MGAT4C: variants seen among roughly 807,000 people sequenced by gnomAD.
MGAT4C encodes the protein alpha-1,3-mannosyl-glycoprotein 4-beta-N-acetylglucosaminyltransferase C.
MGAT4C carries 19 observed loss-of-function variants against 40.1 expected under a neutral mutation model. The observed-to-expected ratio is 0.47, with a 90% CI of 0.33 to 0.70. The LOEUF is 0.70. MGAT4C is among the 30% of genes least tolerant of loss of function. The probability of loss-of-function intolerance (pLI) is 0.02; values close to 1 mark genes in which losing one functional copy is unlikely to be tolerated. For synonymous variants in MGAT4C, 181 were observed against 187.1 expected (o/e 0.97, Z 0.27); for missense variants, 491 against 563.2 (o/e 0.87, Z 1.30).
intron 1 of MGAT4C, among the ~76,000 whole-genome samples, chr12:86,078,988 T>C (rs1336430567): frequency 6.6e-6 from 1 of 152,216 alleles, no homozygotes; most frequent in Non-Finnish European, 1.5e-5. Flanking sequence ...ATTCATATCT[T>C]AGTTGAATTT....
intron 2 of MGAT4C, among the ~76,000 whole-genome samples, chr12:86,700,035 A>G (rs201288130): frequency 1.4e-4 from 21 of 147,624 alleles, no homozygotes; most frequent in African/African-American, 5.3e-4. Flanking sequence ...AATTTAGATA[A>G]ATAGATAGAT....
At chr12:86,283,440 C>T (rs1953270003) in intron 4 of MGAT4C, among the ~76,000 whole-genome samples, 1 of 151,880 alleles carries the variant, frequency 6.6e-6, no homozygotes, top group African/African-American at 2.4e-5. Flanking sequence ...AATTCTTCTT[C>T]TCTCTCTTAA....
rs188400297 is a variant in MGAT4C, at chr12:86,682,584, G to T, written c.-229+44625C>A. Among the ~76,000 whole-genome samples the T allele has an allele frequency of 3.6e-4, 54 of 152,106 alleles. 1 individual carries two copies. Among genetic ancestry groups the T allele is most frequent in the Admixed American group, 2.9e-3 (45 of 15,278 alleles). The stretch of plus-strand genomic sequence containing the variant: ...TCCTTTAATTTTCATCAACTACCAT[G>T]ACAACTAAATGTGGAAGCCCAAACT... On this transcript the variant is annotated intron_variant, in intron 2 of 7. Coordinates refer to the MGAT4C transcript ENST00000548651.
rs1309653113 is a variant in MGAT4C at position 85,962,106 on chromosome 12, G to A, written c.*17183C>T. On this transcript the variant is annotated 3_prime_UTR_variant, in exon 5 of 5. Transcript: ENST00000611864. ...GTTAAAAATAACTTACGAAAGGATA[G>A]ATTCCAATGTCAGTGGGTGAGATGT... is the stretch of plus-strand genomic sequence containing the variant. 2 of 151,830 alleles carry A rather than the reference G, an allele frequency of 1.3e-5. No homozygotes were observed. Among genetic ancestry groups the A allele is most frequent in the Non-Finnish European group, 3.0e-5 (2 of 67,792 alleles). The allele number at this position is 151,830 out of a possible 1,614,324, so 9.4% of individuals were successfully genotyped here.
At chr12:86,418,893 CTG>C (rs1956770618) in intron 3 of MGAT4C, among the ~76,000 whole-genome samples, 1 of 152,050 alleles carries the variant, frequency 6.6e-6, no homozygotes, top group Admixed American at 6.6e-5. Context: ...ACTTAGGTCA[CTG>C]TAAAAATAAC....
At chr12:85,994,731 A>C (rs963985266) in intron 2 of MGAT4C, among the ~76,000 whole-genome samples, 2 of 152,214 alleles carry the variant, frequency 1.3e-5, no homozygotes, top group Non-Finnish European at 2.9e-5. Context: ...GATTTCAAGT[A>C]GGGAGAACAG....
intron 3 of MGAT4C, among the ~76,000 whole-genome samples, chr12:86,361,822 A>C (rs1465124844): frequency 6.6e-6 from 1 of 152,236 alleles, no homozygotes; most frequent in Non-Finnish European, 1.5e-5. Context: ...CGATCATTAA[A>C]AAGTCAGGAA....
intron 2 of MGAT4C, among the ~76,000 whole-genome samples, chr12:86,519,692 T>C (rs1958759186): frequency 6.6e-6 from 1 of 152,176 alleles, no homozygotes; most frequent in South Asian, 2.1e-4. Context: ...TATTGGCCAT[T>C]TGTGTATCTT....
At chr12:86,565,449 C>T (rs1960050560) in intron 2 of MGAT4C, among the ~76,000 whole-genome samples, 3 of 152,202 alleles carry the variant, frequency 2.0e-5, no homozygotes, top group Admixed American at 2.0e-4. Context: ...GCAGCTGCAG[C>T]ACTACAGCCC....
chr12:86,301,059 T>C (rs956350491), intron 4 of MGAT4C, among the ~76,000 whole-genome samples: 1 of 152,196 alleles, frequency 6.6e-6, no homozygotes, highest in African/African-American at 2.4e-5. Flanking sequence ...ATTAACTCTT[T>C]TTAATTCTAC....
At chr12:86,470,897 G>A (rs1957748685) in intron 2 of MGAT4C, among the ~76,000 whole-genome samples, 1 of 151,930 alleles carries the variant, frequency 6.6e-6, no homozygotes, top group Non-Finnish European at 1.5e-5. Context: ...CTTCTTAGGT[G>A]AGGAACAATG....
At chr12:86,096,013 T>C (rs909431020) in intron 1 of MGAT4C, among the ~76,000 whole-genome samples, 3 of 151,908 alleles carry the variant, frequency 2.0e-5, no homozygotes, top group African/African-American at 4.8e-5. Context: ...AGTTTGTCTG[T>C]CACCTATATA....
intron 1 of MGAT4C, among the ~76,000 whole-genome samples, chr12:86,248,579 G>T (rs919557424): frequency 7.9e-5 from 12 of 152,148 alleles, no homozygotes; most frequent in African/African-American, 2.9e-4. Flanking sequence ...CAAGTGAGAA[G>T]CGGTTCCCTT....
chr12:86,106,050 T>C (rs761585525), intron 1 of MGAT4C, among the ~76,000 whole-genome samples: 2 of 152,196 alleles, frequency 1.3e-5, no homozygotes, highest in Non-Finnish European at 2.9e-5. Flanking sequence ...TCTTTCTAGT[T>C]TGAACTCCAA....
intron 3 of MGAT4C, among the ~76,000 whole-genome samples, chr12:86,336,738 A>C (rs1187790546): frequency 6.6e-6 from 1 of 152,194 alleles, no homozygotes; most frequent in African/African-American, 2.4e-5. Flanking sequence ...GTATGAAGAC[A>C]AGAAAAATCA....
chr12:86,668,065 CATTG>C (rs1486312938), intron 2 of MGAT4C, among the ~76,000 whole-genome samples: 1 of 152,204 alleles, frequency 6.6e-6, no homozygotes, highest in Non-Finnish European at 1.5e-5. Flanking sequence ...GCTTAAATTA[CATTG>C]ATAGATTGTG....
rs1883584752 is a variant in MGAT4C at position 85,970,749 on chromosome 12, T to TA, written c.*8539dup. ...ATAGAGGAACCTTAAATAATTTAAA[T>TA]AAAAATAATTGTTTTTATTAAAGTT... On this transcript the variant is annotated 3_prime_UTR_variant, in exon 5 of 5. Coordinates refer to ENST00000611864, the MANE Select transcript of MGAT4C (RefSeq NM_001351288.2). The TA allele has an allele frequency of 6.6e-6, 1 of 151,280 alleles. No individual in the cohort carries two copies. The highest frequency in any genetic ancestry group is 2.1e-4 in the South Asian group (1 of 4,828). The allele number at this position is 151,280 out of a possible 1,614,324, so 9.4% of individuals were successfully genotyped here. A position where few individuals can be genotyped will look rare whatever the true frequency, so the allele number is the denominator to read the frequency against.
chr12:86,827,417 A>G (rs567256544), intron 1 of MGAT4C, among the ~76,000 whole-genome samples: 19 of 151,650 alleles, frequency 1.3e-4, no homozygotes, highest in African/African-American at 4.3e-4. Flanking sequence ...TTTTCTCAAT[A>G]GTATTTTTCT....
At chr12:86,079,196 G>A (rs1380609208) in intron 1 of MGAT4C, among the ~76,000 whole-genome samples, 1 of 152,132 alleles carries the variant, frequency 6.6e-6, no homozygotes, top group African/African-American at 2.4e-5. Flanking sequence ...TGGGTATGTA[G>A]TCAAATCCTG....
Sources: gnomAD v4.1 joint callset for allele counts (sites outside exome capture counted in the v4.1 genomes callset) on GRCh38, gnomAD v4.1.1 for gene constraint, MANE v1.5 for transcripts, NCBI Gene and HGNC (gene_info 2026-07-23, HGNC 2026-07-21) for gene names.